Variants in CLIP2 observed in about 807,000 individuals in gnomAD.
The protein encoded by CLIP2 is CAP-Gly domain containing linker protein 2, also known as CAP-Gly domain-containing linker protein 2.
Under a neutral mutation model 111.7 loss-of-function variants are expected in CLIP2, and 41 were observed. The observed-to-expected ratio is 0.37, with a 90% CI of 0.29 to 0.48. The LOEUF (loss-of-function observed/expected upper bound fraction) is 0.48, where lower values mean the gene tolerates loss of function less well. Ranked by LOEUF, CLIP2 falls within the 20% of genes least tolerant of loss-of-function variation. The pLI, the probability that CLIP2 is intolerant of heterozygous loss-of-function variation, is 0.99. For missense variants in CLIP2, 1,160 were observed against 1,422.1 expected, an observed-to-expected ratio of 0.82 and a Z score of 2.96; for synonymous variants, 660 against 644.2, an observed-to-expected ratio of 1.02 and a Z score of -0.37.
At chr7:74,341,375 G>A (rs1201376073) in intron 3 of CLIP2, among the ~76,000 whole-genome samples, 2 of 151,772 alleles carry the variant, frequency 1.3e-5, no homozygotes, top group African/African-American at 4.8e-5. Context: ...TTTTAGTAGA[G>A]ATAGGGTTTC....
At chr7:74,364,781 A>C (rs1345669236) in intron 8 of CLIP2, 17 of 448,136 alleles carry the variant, frequency 3.8e-5, no homozygotes, top group Non-Finnish European at 7.1e-5. Flanking sequence ...CCAGCACTTC[A>C]GGAAGCCAAG....
At chr7:74,394,338 C>A (rs1175774774) in intron 13 of CLIP2, among the ~76,000 whole-genome samples, 3 of 148,788 alleles carry the variant, frequency 2.0e-5, no homozygotes, top group Non-Finnish European at 4.4e-5. Context: ...GCAACCTCTG[C>A]CTCCTGGGTT....
intron 3 of CLIP2, among the ~76,000 whole-genome samples, chr7:74,346,037 G>A (rs1432584343): frequency 6.6e-6 from 1 of 151,962 alleles, no homozygotes; most frequent in Non-Finnish European, 1.5e-5. Flanking sequence ...GGAGTGCAGT[G>A]GCATGATCCT....
intron 10 of CLIP2, among the ~76,000 whole-genome samples, chr7:74,378,851 A>G (rs942102246): frequency 1.3e-5 from 2 of 152,142 alleles, no homozygotes; most frequent in Admixed American, 6.6e-5. Flanking sequence ...TTTTTGCATC[A>G]TGCCTTGAGG....
At chr7:74,301,906 T>C (rs540569936) in intron 1 of CLIP2, among the ~76,000 whole-genome samples, 1 of 151,760 alleles carries the variant, frequency 6.6e-6, no homozygotes, top group East Asian at 2.0e-4. Context: ...AGAGATGGGG[T>C]TACACCATGT....
At chr7:74,358,392 G>C (rs1790210981) in intron 6 of CLIP2, among the ~76,000 whole-genome samples, 1 of 151,672 alleles carries the variant, frequency 6.6e-6, no homozygotes, top group Non-Finnish European at 1.5e-5. Context: ...TATAGGGATG[G>C]GGTCATGCTG....
intron 1 of CLIP2, among the ~76,000 whole-genome samples, chr7:74,303,759 A>G (rs1168022437): frequency 6.6e-6 from 1 of 151,590 alleles, no homozygotes; most frequent in Non-Finnish European, 1.5e-5. Flanking sequence ...TAAAAATACA[A>G]AAATTAGCCA....
chr7:74,331,956 G>T (rs1382798030), intron 2 of CLIP2, among the ~76,000 whole-genome samples: 2 of 151,696 alleles, frequency 1.3e-5, no homozygotes, highest in African/African-American at 4.8e-5. Context: ...AAAAAAATGT[G>T]GTCACATGTA....
chr7:74,403,047 C>G (rs1416083544), intron 16 of CLIP2, among the ~76,000 whole-genome samples: 1 of 149,710 alleles, frequency 6.7e-6, no homozygotes, highest in Non-Finnish European at 1.5e-5. Flanking sequence ...CCCATCTCTA[C>G]TAAAAATACA....
At chr7:74,297,113 G>A (rs1232861168) in intron 1 of CLIP2, among the ~76,000 whole-genome samples, 1 of 152,254 alleles carries the variant, frequency 6.6e-6, no homozygotes, top group East Asian at 1.9e-4. Context: ...GGGAAGAGAT[G>A]CATCTGTACA....
At chr7:74,351,085 AAAAGAAGGAAGGGAAGG>A (rs1789980267) in intron 3 of CLIP2, among the ~76,000 whole-genome samples, 2 of 145,916 alleles carry the variant, frequency 1.4e-5, no homozygotes, top group African/African-American at 5.1e-5. Context: ...GAAAGAAAGA[AAAAGAAGGAAGGGAAGG>A]GAAGGAAGGG....
intron 3 of CLIP2, 38 bp downstream of exon 3, chr7:74,339,042 C>A: frequency 6.4e-7 from 1 of 1,551,288 alleles, no homozygotes; most frequent in Middle Eastern, 1.9e-4. Flanking sequence ...GCCCAGCTTC[C>A]CTTCCCTCCC....
At position 74,397,115 on chromosome 7, in the gene CLIP2, G is replaced by A. The variant is rs368779286; in HGVS notation, c.2762G>A (p.Arg921His). Residue 921 changes from arginine to histidine, a missense_variant, in exon 14 of 17, where the codon CGT becomes CAT. Arg to His is a conservative substitution (Grantham distance 29, BLOSUM62 0). This residue lies in a region of CLIP2 where 676 missense variants were observed against 777.8 expected (regional missense o/e 0.87). Coordinates refer to ENST00000223398, the MANE Select transcript of CLIP2 (RefSeq NM_003388.5). ...ELRVLLLEAN[R>H]HSPGPERDLS... ...CGGGTGTTGCTGCTGGAGGCCAATC[G>A]TCACTCCCCAGGGCCGGAGAGGGAC... 16 of 1,613,732 alleles carry A rather than the reference G, an allele frequency of 9.9e-6. No homozygotes were observed. In the Admixed American group the frequency reaches 1.2e-4, roughly 12 times the overall value.
intron 10 of CLIP2, among the ~76,000 whole-genome samples, chr7:74,379,809 G>C (rs1223087736): frequency 6.6e-6 from 1 of 151,804 alleles, no homozygotes; most frequent in Non-Finnish European, 1.5e-5. Flanking sequence ...TGGGCGTGGT[G>C]GTGGGCACCT....
intron 3 of CLIP2, among the ~76,000 whole-genome samples, chr7:74,350,610 A>G (rs1369322416): frequency 1.3e-5 from 2 of 152,002 alleles, no homozygotes; most frequent in African/African-American, 4.8e-5. Context: ...CACGCCTGTA[A>G]TTCCAGCACT....
chr7:74,317,570 G>GC lies in CLIP2; in HGVS notation c.30dup (p.Gly11ArgfsTer27), dbSNP rs1400347497. The GC allele has an allele frequency of 9.5e-6, 14 of 1,475,270 alleles. No individual in the cohort carries two copies. Among genetic ancestry groups the GC allele is most frequent in the South Asian group, 4.2e-5 (3 of 71,816 alleles). 91.4% of individuals were successfully genotyped at this position (1,475,270 alleles called of 1,614,324 possible). On this transcript the variant is annotated frameshift_variant, in exon 2 of 17. Transcript: ENST00000223398. LOFTEE classifies it high-confidence loss of function. ...CCATGCAGAAGCCCAGCGGCCTGAAGCCCCCCGGCCGTGGGGGGAAGCACT... is the reference window on the plus strand; with the variant it reads ...CCATGCAGAAGCCCAGCGGCCTGAAGCCCCCCCGGCCGTGGGGGGAAGCACT...
chr7:74,305,855 A>AGCCCCCCCCC (rs1788468147), intron 1 of CLIP2, among the ~76,000 whole-genome samples: 1 of 52,302 alleles, frequency 1.9e-5, no homozygotes, highest in Non-Finnish European at 3.1e-5. Flanking sequence ...CTGCACCCCA[A>AGCCCCCCCCC]CCCCCCCCCA....
chr7:74,331,821 C>A (rs948808399), intron 2 of CLIP2, among the ~76,000 whole-genome samples: 1 of 151,946 alleles, frequency 6.6e-6, no homozygotes, highest in Non-Finnish European at 1.5e-5. Context: ...GTAATCCACC[C>A]GCCTCAGTCT....
intron 3 of CLIP2, among the ~76,000 whole-genome samples, chr7:74,344,235 G>T (rs474468): frequency 0.61 from 92,896 of 152,034 alleles, 30,343 homozygotes; most frequent in Middle Eastern, 0.74. Flanking sequence ...CCCTAGAAGT[G>T]TCTGCTAAGC....
Sources: gnomAD v4.1 joint callset for allele counts (sites outside exome capture counted in the v4.1 genomes callset) on GRCh38, gnomAD v4.1.1 for gene constraint, gnomAD v4.1.1 regional missense constraint, MANE v1.5 for transcripts, NCBI Gene and HGNC (gene_info 2026-07-23, HGNC 2026-07-21) for gene names.